Variants in EFCAB6 observed in about 807,000 individuals in gnomAD.
The protein encoded by EFCAB6 is EF-hand calcium-binding domain-containing protein 6.
A neutral mutation model predicts 169.8 loss-of-function variants in EFCAB6; 156 were observed. The observed-to-expected ratio is 0.92, with a 90% CI of 0.81 to 1.05. EFCAB6 has a LOEUF of 1.05. Ranked by LOEUF, EFCAB6 falls within the 50% of genes least tolerant of loss-of-function variation. The pLI, the probability that EFCAB6 is intolerant of heterozygous loss-of-function variation, is 0.00. For missense variants in EFCAB6, 1,800 were observed against 1,829.1 expected (o/e 0.98, Z 0.29); for synonymous variants, 698 against 676.4 (o/e 1.03, Z -0.50).
At position 43,576,341 on chromosome 22, in the gene EFCAB6, T is replaced by A. The variant is rs774329038; in HGVS notation, c.3376A>T (p.Asn1126Tyr). The A allele has an allele frequency of 8.1e-6, 13 of 1,596,236 alleles. No homozygotes were observed. The highest frequency in any genetic ancestry group is 3.7e-5 in the Admixed American group (2 of 54,478). ...AAGTTCTGGAGAAAATATTTCCAAT[T>A]TATATAGGGGGTTAGATGAATTCTT... is the stretch of plus-strand genomic sequence containing the variant. ...KLRIHLTPYI[N>Y]WKYFLQNFSC... Residue 1126 changes from asparagine to tyrosine, a missense_variant, in exon 26 of 32, where the codon AAT becomes TAT. Transcript: ENST00000262726.
At position 43,668,903 on chromosome 22, in the gene EFCAB6, C is replaced by CTTT; in HGVS notation, c.1780_1782dup (p.Lys594dup). ...GAAAGATCTGGCTGCTGCTGTTCATCTTTTTGTAAATGTTCACTTAACAGC... is the reference window on the plus strand; with the variant it reads ...GAAAGATCTGGCTGCTGCTGTTCATCTTTTTTTTGTAAATGTTCACTTAACAGC... On this transcript the variant is annotated inframe_insertion, in exon 16 of 32. Transcript: ENST00000262726. 2 of 1,607,328 alleles carry CTTT rather than the reference C, an allele frequency of 1.2e-6. No individual in the cohort carries two copies. Among genetic ancestry groups the CTTT allele is most frequent in the Middle Eastern group, 1.7e-4 (1 of 6,054 alleles).
chr22:43,573,372 G>C (rs1368020143), intron 26 of EFCAB6, among the ~76,000 whole-genome samples: 6 of 152,030 alleles, frequency 3.9e-5, no homozygotes, highest in African/African-American at 1.5e-4. Flanking sequence ...CAAGAGTTCA[G>C]AACACAACCC....
chr22:43,556,040 C>T (rs920816148), intron 26 of EFCAB6, among the ~76,000 whole-genome samples: 2 of 152,224 alleles, frequency 1.3e-5, no homozygotes, highest in African/African-American at 2.4e-5. Flanking sequence ...AGGGAAGTTA[C>T]TCAGTGAGCA....
chr22:43,654,464 T>C (rs149824007), intron 17 of EFCAB6, among the ~76,000 whole-genome samples: 42 of 152,366 alleles, frequency 2.8e-4, no homozygotes, highest in Non-Finnish European at 5.1e-4. Flanking sequence ...GTCATATTAA[T>C]AGCAGGTGCC....
chr22:43,554,623 C>T (rs561532543), intron 27 of EFCAB6: 37 of 507,702 alleles, frequency 7.3e-5, no homozygotes, highest in Non-Finnish European at 1.0e-4. Context: ...GGAGCCGAAG[C>T]GGAGTTGAAT....
chr22:43,733,567 A>T (rs4823092), intron 7 of EFCAB6, among the ~76,000 whole-genome samples: 34,515 of 152,076 alleles, frequency 0.23, 5,164 homozygotes, highest in East Asian at 0.62. Context: ...ACAGGTCATC[A>T]GAGGGTAAAG....
intron 22 of EFCAB6, among the ~76,000 whole-genome samples, chr22:43,605,998 C>T (rs746566424): frequency 4.6e-5 from 7 of 152,098 alleles, no homozygotes; most frequent in South Asian, 4.1e-4. Flanking sequence ...ATGAAAAACA[C>T]GGACACGGGA....
chr22:43,735,470 T>C (rs559805306), intron 7 of EFCAB6, among the ~76,000 whole-genome samples: 14 of 152,146 alleles, frequency 9.2e-5, no homozygotes, highest in African/African-American at 3.4e-4. Context: ...AAATTTGTCA[T>C]TCTTCTCCTA....
intron 24 of EFCAB6, among the ~76,000 whole-genome samples, chr22:43,588,169 A>G (rs902343035): frequency 1.3e-5 from 2 of 152,218 alleles, no homozygotes; most frequent in Non-Finnish European, 2.9e-5. Context: ...AGTACCATAC[A>G]TTTCAATCCA....
At chr22:43,612,329 T>C (rs1193274794) in intron 21 of EFCAB6, among the ~76,000 whole-genome samples, 2 of 152,226 alleles carry the variant, frequency 1.3e-5, no homozygotes, top group Non-Finnish European at 2.9e-5. Context: ...TGACAGCTTC[T>C]GCACAGCAAA....
At chr22:43,566,816 C>T (rs62226969) in intron 26 of EFCAB6, among the ~76,000 whole-genome samples, 9,672 of 151,778 alleles carry the variant, frequency 0.064, 379 homozygotes, top group Admixed American at 0.098. Flanking sequence ...TGTTTTGAGA[C>T]GCCCACCCAG....
intron 3 of EFCAB6, among the ~76,000 whole-genome samples, chr22:43,774,601 G>A (rs372520942): frequency 6.6e-5 from 10 of 151,756 alleles, no homozygotes; most frequent in Admixed American, 2.0e-4. Flanking sequence ...GGGATGCGGC[G>A]GTCCAGTGTG....
In EFCAB6 at chr22:43,701,103, G is replaced by A. The variant is rs778585728; in HGVS notation, c.1031+10372C>T. 8.5e-5 allele frequency among the ~76,000 whole-genome samples: 13 copies of A among 152,290 alleles called. 1 individual carries two copies. The highest frequency in any genetic ancestry group is 3.4e-3 in the Middle Eastern group (1 of 294). On this transcript the variant is annotated intron_variant, in intron 10 of 31. Transcript: ENST00000262726. ...GAATGAATGTTTTTTGTGATCCTCTGAGTGCAAAGGTAGATTTGCTGTCTT... is the reference window on the plus strand; with the variant it reads ...GAATGAATGTTTTTTGTGATCCTCTAAGTGCAAAGGTAGATTTGCTGTCTT...
chr22:43,808,341 T>C, intron 2 of EFCAB6, among the ~76,000 whole-genome samples: 1 of 152,206 alleles, frequency 6.6e-6, no homozygotes, highest in East Asian at 1.9e-4. Context: ...CTCCCACAGA[T>C]ACTGAGGGAC....
At chr22:43,745,098 A>AC (rs1473808973) in intron 6 of EFCAB6, among the ~76,000 whole-genome samples, 1 of 152,168 alleles carries the variant, frequency 6.6e-6, no homozygotes, top group Non-Finnish European at 1.5e-5. Flanking sequence ...TCATATTTGT[A>AC]CCCCACTGAG....
At chr22:43,614,383 A>G (rs575887945) in intron 21 of EFCAB6, among the ~76,000 whole-genome samples, 2 of 152,266 alleles carry the variant, frequency 1.3e-5, no homozygotes, top group African/African-American at 4.8e-5. Flanking sequence ...AAGCAAAGAC[A>G]GTCTTTTCAA....
At chr22:43,596,923 G>C (rs552477123) in intron 23 of EFCAB6, among the ~76,000 whole-genome samples, 140 of 152,198 alleles carry the variant, frequency 9.2e-4, no homozygotes, top group African/African-American at 3.2e-3. Context: ...ATGGAACAGA[G>C]TAGAGAACCC....
intron 26 of EFCAB6, among the ~76,000 whole-genome samples, chr22:43,560,686 C>T (rs74525878): frequency 0.023 from 3,572 of 152,256 alleles, 49 homozygotes; most frequent in Non-Finnish European, 0.039. Flanking sequence ...AAAAACCCAG[C>T]GTGGGAGGTA....
intron 6 of EFCAB6, among the ~76,000 whole-genome samples, chr22:43,747,233 C>G (rs2060597543): frequency 6.6e-6 from 1 of 152,220 alleles, no homozygotes; most frequent in African/African-American, 2.4e-5. Context: ...AATGGCGTTC[C>G]TCCAAACACA....
Sources: gnomAD v4.1 joint callset for allele counts (sites outside exome capture counted in the v4.1 genomes callset) on GRCh38, gnomAD v4.1.1 for gene constraint, MANE v1.5 for transcripts, NCBI Gene and HGNC (gene_info 2026-07-23, HGNC 2026-07-21) for gene names.